HOGA1: variants seen among roughly 807,000 people sequenced by gnomAD.
The protein encoded by HOGA1 is 4-hydroxy-2-oxoglutarate aldolase, mitochondrial.
HOGA1 carries 30 observed loss-of-function variants against 34.3 expected under a neutral mutation model. The ratio of observed to expected loss-of-function variants is 0.87; its 90% CI spans 0.65 to 1.19. HOGA1 has a LOEUF of 1.19. Among genes scored for constraint, HOGA1 ranks in the 50% most tolerant of loss-of-function variants. The pLI, the probability that HOGA1 is intolerant of heterozygous loss-of-function variation, is 0.00. For missense variants in HOGA1, 417 were observed against 436.5 expected (o/e 0.96, Z 0.40); for synonymous variants, 161 against 174.0 (o/e 0.93, Z 0.59).
chr10:97,609,416 C>G (rs915420622), intron 6 of HOGA1, among the ~76,000 whole-genome samples: 15 of 152,088 alleles, frequency 9.9e-5, no homozygotes, highest in Non-Finnish European at 1.5e-5. Context: ...TAGCTGTCAT[C>G]CCAGATCTCT....
intron 6 of HOGA1, chr10:97,602,312 C>T: frequency 7.8e-7 from 1 of 1,274,744 alleles, no homozygotes; most frequent in Non-Finnish European, 1.0e-6. Context: ...TAGGACCACA[C>T]TTAGAGATGC....
At position 97,601,989 on chromosome 10, in the gene HOGA1, C is replaced by A. The variant is rs1182162593; in HGVS notation, c.833C>A (p.Ala278Glu). 1.2e-6 allele frequency: 2 copies of A among 1,611,146 alleles called. No homozygotes were observed. Among genetic ancestry groups the A allele is most frequent in the Admixed American group, 1.7e-5 (1 of 59,576 alleles). ...LQHRLIEPNA[A>E]VTRRFGIPGL... ...CACCGCCTCATTGAGCCAAACGCTG[C>A]GGTGAGCCAGTGGCAGCGGGGGCGC... Residue 278 changes from alanine (A) to glutamate (E), a missense_variant and splice_region_variant, in exon 6 of 7, where the codon GCG becomes GAG. Transcript: ENST00000370646.
chr10:97,608,617 C>A (rs573966139), intron 6 of HOGA1, among the ~76,000 whole-genome samples: 18 of 152,126 alleles, frequency 1.2e-4, no homozygotes, highest in Middle Eastern at 3.4e-3. Flanking sequence ...TCAGCCTGGC[C>A]AACATGGTGA....
At chr10:97,602,279 G>A (rs1321936156) in intron 6 of HOGA1, 3 of 1,375,944 alleles carry the variant, frequency 2.2e-6, no homozygotes, top group Non-Finnish European at 2.9e-6. Context: ...CAAACATCCT[G>A]TGTGATTGTG....
At position 97,584,943 on chromosome 10, in the gene HOGA1, G is replaced by A. The variant is rs202120436; in HGVS notation, c.211+29G>A. ...AGTGGGGCTGTCCTCTGTGGGACCT[G>A]GGGAGATGTGAGTGGCCCTTTAGCC... On this transcript the variant is annotated intron_variant, in intron 1 of 6. Transcript: ENST00000370646. The A allele has an allele frequency of 5.3e-4, 849 of 1,595,462 alleles. 2 individuals carry two copies. The highest frequency in any genetic ancestry group is 6.8e-4 in the Non-Finnish European group (794 of 1,163,994).
rs1564759258 is a variant in HOGA1 at position 97,599,993 on chromosome 10, T to G, written c.604-74T>G. The G allele has an allele frequency of 3.3e-6, 5 of 1,519,492 alleles. No individual in the cohort carries two copies. In the East Asian group the frequency reaches 1.1e-4, roughly 34 times the overall value. 94.1% of individuals were successfully genotyped at this position (1,519,492 alleles called of 1,614,324 possible). A position where few individuals can be genotyped will look rare whatever the true frequency, so the allele number is the denominator to read the frequency against. On this transcript the variant is annotated intron_variant, in intron 4 of 6. Transcript: ENST00000370646. ...ATCTCTTTGAGCACTGGGCTTTCAT[T>G]CCACCACACTTACCCGGCCCTCATC... is the stretch of plus-strand genomic sequence containing the variant.
intron 1 of HOGA1, chr10:97,589,777 C>T (rs542608533): frequency 1.4e-6 from 1 of 737,170 alleles, no homozygotes; most frequent in African/African-American, 1.8e-5. Context: ...AGAGATCACC[C>T]AGCGTGCTCT....
chr10:97,589,039 T>A (rs1252433427), intron 1 of HOGA1, among the ~76,000 whole-genome samples: 1 of 152,128 alleles, frequency 6.6e-6, no homozygotes, highest in Non-Finnish European at 1.5e-5. Context: ...ATTCTGGGTT[T>A]GTAGGTGCCT....
chr10:97,604,441 C>A lies in HOGA1; in HGVS notation c.834+2451C>A, dbSNP rs539673992. Reference sequence around the variant, plus strand: ...GGCTCAAGCAATCCTCCCAGCTTATCCTCCCAAGTAGCTGGGACAACAGGT... The same window carrying A: ...GGCTCAAGCAATCCTCCCAGCTTATACTCCCAAGTAGCTGGGACAACAGGT... On this transcript the variant is annotated intron_variant, in intron 6 of 6. Transcript: ENST00000370646. Among the ~76,000 whole-genome samples, 15 of 152,250 alleles carry A rather than the reference C, an allele frequency of 9.9e-5. 1 individual carries two copies. In the South Asian group the frequency reaches 3.1e-3, roughly 32 times the overall value.
chr10:97,588,826 C>T (rs896346237), intron 1 of HOGA1, among the ~76,000 whole-genome samples: 6 of 152,140 alleles, frequency 3.9e-5, no homozygotes, highest in Non-Finnish European at 8.8e-5. Context: ...ACAATGTTTA[C>T]AACCCCATTT....
intron 1 of HOGA1, chr10:97,590,410 C>A: frequency 6.2e-7 from 1 of 1,614,086 alleles, no homozygotes; most frequent in Non-Finnish European, 8.5e-7. Flanking sequence ...TGAGGGCCCT[C>A]GAGGAGGTAG....
At chr10:97,595,805 T>C (rs972156643) in intron 1 of HOGA1, among the ~76,000 whole-genome samples, 7 of 152,218 alleles carry the variant, frequency 4.6e-5, no homozygotes, top group African/African-American at 1.7e-4. Flanking sequence ...ACCCCTCTTC[T>C]GTGAGCCCTC....
In HOGA1 at chr10:97,601,984, C is replaced by T. The variant is rs201683794; in HGVS notation, c.828C>T (p.Asn276=). The T allele has an allele frequency of 4.5e-5, 73 of 1,611,954 alleles. No individual in the cohort carries two copies. In the East Asian group the frequency reaches 6.7e-4, roughly 15 times the overall value. Reference sequence around the variant, plus strand: ...TGCAGCACCGCCTCATTGAGCCAAACGCTGCGGTGAGCCAGTGGCAGCGGG... The same window carrying T: ...TGCAGCACCGCCTCATTGAGCCAAATGCTGCGGTGAGCCAGTGGCAGCGGG... The part of the protein sequence containing the change: ...QKLQHRLIEP[N]AAVTRRFGIP... Residue 276 remains asparagine (N), a synonymous_variant, in exon 6 of 7, where the codon AAC becomes AAT. Transcript: ENST00000370646.
rs576471312 is a variant in HOGA1, at chr10:97,591,459, A to G, written c.211+6545A>G. On this transcript the variant is annotated intron_variant, in intron 1 of 6. Coordinates refer to ENST00000370646, the MANE Select transcript of HOGA1 (RefSeq NM_138413.4). ...TTAATTTAATTTTAAGTTCTGAGTTACATGGGCAGGATGTTCAGGTTTGTT... is the reference window on the plus strand; with the variant it reads ...TTAATTTAATTTTAAGTTCTGAGTTGCATGGGCAGGATGTTCAGGTTTGTT... Among the ~76,000 whole-genome samples the G allele has an allele frequency of 3.7e-4, 57 of 152,258 alleles. 1 individual carries two copies. The highest frequency in any genetic ancestry group is 1.3e-3 in the African/African-American group (53 of 41,552).
At chr10:97,609,125 G>C (rs748741262) in intron 6 of HOGA1, among the ~76,000 whole-genome samples, 1 of 152,098 alleles carries the variant, frequency 6.6e-6, no homozygotes, top group African/African-American at 2.4e-5. Context: ...TTGCAGAAAC[G>C]AGGGCCCCGT....
chr10:97,599,204 C>T lies in HOGA1; in HGVS notation c.456C>T (p.His152=), dbSNP rs779856525. 8.7e-6 allele frequency: 14 copies of T among 1,613,858 alleles called. No homozygotes were observed. In the Admixed American group the frequency reaches 1.7e-4, roughly 19 times the overall value. Residue 152 remains histidine, a synonymous_variant, in exon 3 of 7, where the codon CAC becomes CAT. Transcript: ENST00000370646. Reference sequence around the variant, plus strand: ...GCATGAGCAGTGCGGCCCTCATTCACCACTACACCAAGGTGTGTGTGAGGC... The same window carrying T: ...GCATGAGCAGTGCGGCCCTCATTCATCACTACACCAAGGTGTGTGTGAGGC... The part of the protein sequence containing the change: ...RGRMSSAALI[H]HYTKVADLSP...
intron 6 of HOGA1, 64 bp from the exon 7 acceptor site, chr10:97,611,446 C>T: frequency 1.3e-6 from 2 of 1,581,720 alleles, no homozygotes; most frequent in South Asian, 1.1e-5. Context: ...TGACAGATCT[C>T]CGAGTTCCAG....
At chr10:97,588,191 T>G (rs1169750337) in intron 1 of HOGA1, among the ~76,000 whole-genome samples, 6 of 141,870 alleles carry the variant, frequency 4.2e-5, no homozygotes, top group Non-Finnish European at 9.2e-5. Context: ...TCTTTTTGTT[T>G]TTTCTTTCTT....
In HOGA1 at chr10:97,611,521, C is replaced by T. The variant is rs745829090; in HGVS notation, c.846C>T (p.Arg282=). 6 of 1,614,232 alleles carry T rather than the reference C, an allele frequency of 3.7e-6. No individual in the cohort carries two copies. Among genetic ancestry groups the T allele is most frequent in the Non-Finnish European group, 5.1e-6 (6 of 1,180,040 alleles). Reference sequence around the variant, plus strand: ...GCCCTGCTTTGCAGGTGACCCGGCGCTTTGGGATCCCAGGGCTGAAGAAAA... The same window carrying T: ...GCCCTGCTTTGCAGGTGACCCGGCGTTTTGGGATCCCAGGGCTGAAGAAAA... The part of the protein sequence containing the change: ...LIEPNAAVTR[R]FGIPGLKKIM... The change falls in exon 7 of 7, where the codon CGC becomes CGT. Residue 282 remains arginine (R), a synonymous_variant. Coordinates refer to ENST00000370646, the MANE Select transcript of HOGA1 (RefSeq NM_138413.4).
Sources: allele counts gnomAD v4.1 joint callset (sites outside exome capture counted in the v4.1 genomes callset), GRCh38; gene constraint gnomAD v4.1.1; transcripts MANE v1.5; gene names NCBI Gene and HGNC (gene_info 2026-07-23, HGNC 2026-07-21).